RBMS3: variants seen among roughly 807,000 people sequenced by gnomAD.
The protein encoded by RBMS3 is RNA binding motif single stranded interacting protein 3.
A neutral mutation model predicts 66.8 loss-of-function variants in RBMS3; 27 were observed. The observed-to-expected ratio is 0.40, with a 90% confidence interval of 0.30 to 0.56. The LOEUF is 0.56. Among genes scored for constraint, RBMS3 ranks in the 20% least tolerant of loss-of-function variants. The pLI is 0.40. For synonymous variants in RBMS3, 188 were observed against 183.0 expected (o/e 1.03, Z -0.22); for missense variants, 513 against 549.5 (o/e 0.93, Z 0.66).
rs146099838 is a variant in RBMS3 at position 29,515,233 on chromosome 3, A to G, written c.307+26734A>G. On this transcript the variant is annotated intron_variant, in intron 3 of 14. Transcript: ENST00000383767. Reference sequence around the variant, plus strand: ...AAGTTTATCTAGCAGGGATAGCAGGAAAAGATTTACCTGGAAAAGGAAAGA... The same window carrying G: ...AAGTTTATCTAGCAGGGATAGCAGGGAAAGATTTACCTGGAAAAGGAAAGA... Among the ~76,000 whole-genome samples the G allele has an allele frequency of 2.0e-3, 308 of 152,340 alleles. 1 individual carries two copies. The highest frequency in any genetic ancestry group is 7.1e-3 in the African/African-American group (296 of 41,588).
At chr3:29,614,383 A>T (rs2048589329) in intron 4 of RBMS3, 1 of 152,122 alleles carries the variant, frequency 6.6e-6, no homozygotes, top group African/African-American at 2.4e-5. Flanking sequence ...AATAAGTTCT[A>T]GTTATCTATT....
rs189722610 is a variant in RBMS3 at position 29,451,992 on chromosome 3, A to G, written c.248+17077A>G. On this transcript the variant is annotated intron_variant, in intron 2 of 14. Transcript: ENST00000383767. ...TCAAAGTTGCATAGTGAGTGTTATG[A>G]GGGATATTTTGCATGAACAAACACA... Among the ~76,000 whole-genome samples the G allele has an allele frequency of 1.5e-4, 22 of 143,956 alleles. No homozygotes were observed. In the East Asian group the frequency reaches 4.4e-3, roughly 29 times the overall value. The allele number at this position is 143,956 out of a possible 152,430, so 94.4% of individuals were successfully genotyped here. A position where few individuals can be genotyped will look rare whatever the true frequency, so the allele number is the denominator to read the frequency against.
chr3:29,897,997 C>A (rs1007048318), intron 9 of RBMS3, among the ~76,000 whole-genome samples: 3 of 151,620 alleles, frequency 2.0e-5, no homozygotes, highest in African/African-American at 7.3e-5. Flanking sequence ...TTATTTCATT[C>A]TCAGTTCCAG....
At chr3:29,908,159 G>C (rs2060429087) in intron 10 of RBMS3, among the ~76,000 whole-genome samples, 1 of 151,914 alleles carries the variant, frequency 6.6e-6, no homozygotes, top group African/African-American at 2.4e-5. Context: ...GCTGAGGTGG[G>C]AGGATTGTTT....
rs35294168 is a variant in RBMS3 at position 29,828,773 on chromosome 3, AT to A, written c.638-40076del. On this transcript the variant is annotated intron_variant, in intron 6 of 14. Transcript: ENST00000383767. ...AAAATTAATTTGTAAAAAAGTAGTG[AT>A]TTTTTTTTCCACTGTGTGTGTTTTA... 7.3e-4 allele frequency among the ~76,000 whole-genome samples: 111 copies of A among 151,632 alleles called. 1 individual carries two copies. The highest frequency in any genetic ancestry group is 3.4e-3 in the Middle Eastern group (1 of 294).
At chr3:29,828,152 A>T (rs116676037) in intron 6 of RBMS3, among the ~76,000 whole-genome samples, 1 of 152,144 alleles carries the variant, frequency 6.6e-6, no homozygotes, top group African/African-American at 2.4e-5. Context: ...ACCTAAATCT[A>T]TTAGCCGTGC....
At chr3:29,730,170 AT>A (rs1438800575) in intron 4 of RBMS3, among the ~76,000 whole-genome samples, 7 of 152,094 alleles carry the variant, frequency 4.6e-5, no homozygotes, top group Non-Finnish European at 8.8e-5. Flanking sequence ...TAAAAATAGT[AT>A]TTGTTGTTTA....
chr3:29,469,044 T>C (rs1363391608), intron 2 of RBMS3, among the ~76,000 whole-genome samples: 1 of 152,088 alleles, frequency 6.6e-6, no homozygotes, highest in African/African-American at 2.4e-5. Flanking sequence ...AGACCACATA[T>C]TGGAACTAGT....
chr3:29,658,218 T>C (rs74545180), intron 4 of RBMS3, among the ~76,000 whole-genome samples: 2,862 of 152,250 alleles, frequency 0.019, 38 homozygotes, highest in Admixed American at 0.029. Flanking sequence ...GCATGGCCGG[T>C]AGAAAACACT....
chr3:29,619,856 C>T (rs979257612), intron 4 of RBMS3, among the ~76,000 whole-genome samples: 1 of 151,800 alleles, frequency 6.6e-6, no homozygotes, highest in Non-Finnish European at 1.5e-5. Context: ...GAGTCTGGCA[C>T]GTTCTAACAG....
intron 1 of RBMS3, among the ~76,000 whole-genome samples, chr3:29,413,321 A>G (rs1467882901): frequency 6.6e-6 from 1 of 152,116 alleles, no homozygotes; most frequent in Admixed American, 6.5e-5. Context: ...GTGAGCTGAG[A>G]TCGTGCCACT....
chr3:29,823,277 C>A (rs973831070), intron 6 of RBMS3, among the ~76,000 whole-genome samples: 1 of 152,084 alleles, frequency 6.6e-6, no homozygotes, highest in East Asian at 1.9e-4. Flanking sequence ...TGACTTTTAA[C>A]AAAATAAATG....
chr3:29,284,289 A>G (rs895228936), intron 1 of RBMS3, among the ~76,000 whole-genome samples: 4 of 152,232 alleles, frequency 2.6e-5, no homozygotes, highest in East Asian at 1.9e-4. Flanking sequence ...TGGTGATAAC[A>G]TATCTTAAAT....
intron 10 of RBMS3, among the ~76,000 whole-genome samples, chr3:29,914,208 T>G (rs1373891970): frequency 2.0e-5 from 3 of 151,934 alleles, no homozygotes; most frequent in Non-Finnish European, 4.4e-5. Flanking sequence ...GGGTCAAAAC[T>G]GACTCAGGAA....
intron 3 of RBMS3, among the ~76,000 whole-genome samples, chr3:29,548,864 A>G (rs2046074198): frequency 6.6e-6 from 1 of 152,162 alleles, no homozygotes; most frequent in Non-Finnish European, 1.5e-5. Context: ...TGCCAAGCTT[A>G]AGAAAGAGAA....
At chr3:29,533,129 T>C (rs909334486) in intron 3 of RBMS3, among the ~76,000 whole-genome samples, 1 of 152,200 alleles carries the variant, frequency 6.6e-6, no homozygotes, top group African/African-American at 2.4e-5. Context: ...GATAGAAATT[T>C]CTTCTTTCCA....
At chr3:29,521,255 C>A (rs926776972) in intron 3 of RBMS3, among the ~76,000 whole-genome samples, 7 of 152,146 alleles carry the variant, frequency 4.6e-5, no homozygotes, top group African/African-American at 1.4e-4. Flanking sequence ...AACTTATGAA[C>A]CCTAGTTCAT....
intron 8 of RBMS3, among the ~76,000 whole-genome samples, chr3:29,894,476 C>T (rs750777748): frequency 6.6e-6 from 1 of 151,382 alleles, no homozygotes; most frequent in African/African-American, 2.4e-5. Flanking sequence ...CCTTATATGG[C>T]CTTTCCTCAG....
chr3:29,669,617 C>G (rs1305163712), intron 4 of RBMS3, among the ~76,000 whole-genome samples: 1 of 151,970 alleles, frequency 6.6e-6, no homozygotes. Context: ...AAAAACAAAG[C>G]TGTCATTGAG....
Sources: allele counts gnomAD v4.1 joint callset (sites outside exome capture counted in the v4.1 genomes callset), GRCh38; gene constraint gnomAD v4.1.1; transcripts MANE v1.5; gene names NCBI Gene and HGNC (gene_info 2026-07-23, HGNC 2026-07-21).